SCAPER: variants seen among roughly 807,000 people sequenced by gnomAD.
The protein encoded by SCAPER is S phase cyclin A-associated protein in the endoplasmic reticulum.
Under a neutral mutation model 182.2 loss-of-function variants are expected in SCAPER, and 98 were observed. The ratio of observed to expected loss-of-function variants is 0.54; its 90% CI spans 0.46 to 0.64. SCAPER has a LOEUF of 0.64. SCAPER is among the 30% of genes least tolerant of loss of function. The pLI is 0.00. For missense variants in SCAPER, 1,432 were observed against 1,690.0 expected, an observed-to-expected ratio of 0.85 and a Z score of 2.68; for synonymous variants, 605 against 564.6, an observed-to-expected ratio of 1.07 and a Z score of -1.01.
intron 23 of SCAPER, among the ~76,000 whole-genome samples, chr15:76,549,229 C>G (rs1430308843): frequency 6.6e-6 from 1 of 152,086 alleles, no homozygotes; most frequent in Non-Finnish European, 1.5e-5. Context: ...ACTGGAAATA[C>G]CATTTGAGCC....
chr15:76,778,717 T>C lies in SCAPER; in HGVS notation c.773-3600A>G, dbSNP rs1229186450. Among the ~76,000 whole-genome samples, 5 of 152,144 alleles carry C rather than the reference T, an allele frequency of 3.3e-5. No homozygotes were observed. The East Asian group carries it at 9.6e-4, about 29-fold the overall frequency. ...CCTATAGTTTAAGTATGTTTTTAAG[T>C]ATTAGTTTAAGTACATTTTTAAGTA... On this transcript the variant is annotated intron_variant, in intron 8 of 31. Coordinates refer to ENST00000563290, the MANE Select transcript of SCAPER (RefSeq NM_020843.4).
intron 25 of SCAPER, among the ~76,000 whole-genome samples, chr15:76,465,414 C>A (rs1438711024): frequency 2.0e-5 from 3 of 152,142 alleles, no homozygotes; most frequent in Non-Finnish European, 4.4e-5. Context: ...AATGCCATCA[C>A]AGTGGTGATT....
Position 76,468,697 on chromosome 15 carries a change from C to T in SCAPER, c.3078+2515G>A, listed in dbSNP as rs376464455. 4.6e-5 allele frequency among the ~76,000 whole-genome samples: 7 copies of T among 152,210 alleles called. No individual in the cohort carries two copies. In the East Asian group the frequency reaches 7.7e-4, roughly 17 times the overall value. ...GTGCTCCCATAGTACTCTATACAGG[C>T]TGCTATCATATCATTTACTGTATGT... is the stretch of plus-strand genomic sequence containing the variant. On this transcript the variant is annotated intron_variant, in intron 25 of 31. Transcript: ENST00000563290.
intron 24 of SCAPER, among the ~76,000 whole-genome samples, chr15:76,503,168 A>G (rs1019425166): frequency 3.9e-5 from 6 of 152,188 alleles, no homozygotes; most frequent in South Asian, 4.1e-4. Flanking sequence ...CAAAGAATCA[A>G]TATCATTTCC....
intron 23 of SCAPER, among the ~76,000 whole-genome samples, chr15:76,527,628 T>G (rs1214536249): frequency 3.9e-5 from 6 of 152,240 alleles, no homozygotes; most frequent in Non-Finnish European, 8.8e-5. Context: ...CTGTAGGTTG[T>G]GAACATAGCT....
chr15:76,524,475 T>G (rs2043037913), intron 23 of SCAPER, among the ~76,000 whole-genome samples: 1 of 152,132 alleles, frequency 6.6e-6, no homozygotes, highest in Admixed American at 6.5e-5. Context: ...TTATGGATGA[T>G]TCCATTAGAA....
intron 1 of SCAPER, among the ~76,000 whole-genome samples, chr15:76,887,289 T>G (rs988592113): frequency 6.6e-6 from 1 of 152,148 alleles, no homozygotes; most frequent in Non-Finnish European, 1.5e-5. Flanking sequence ...CTGCTTAATC[T>G]CATTGGGACT....
At chr15:76,633,957 C>T (rs1004937998) in intron 21 of SCAPER, among the ~76,000 whole-genome samples, 1 of 152,190 alleles carries the variant, frequency 6.6e-6, no homozygotes, top group South Asian at 2.1e-4. Flanking sequence ...GGCTTCAGCC[C>T]CCTTCCCATG....
At chr15:76,383,719 A>AT (rs1488546481) in intron 27 of SCAPER, among the ~76,000 whole-genome samples, 1 of 152,222 alleles carries the variant, frequency 6.6e-6, no homozygotes, top group Non-Finnish European at 1.5e-5. Flanking sequence ...AAAAGCAGGG[A>AT]TATCACCCAG....
chr15:76,583,047 C>T (rs180769512), intron 22 of SCAPER, among the ~76,000 whole-genome samples: 6 of 152,204 alleles, frequency 3.9e-5, no homozygotes, highest in Non-Finnish European at 5.9e-5. Flanking sequence ...GTACATTGGA[C>T]TGAGCAAAAA....
At chr15:76,530,194 G>A (rs1567363403) in intron 23 of SCAPER, among the ~76,000 whole-genome samples, 2 of 152,120 alleles carry the variant, frequency 1.3e-5, no homozygotes, top group Admixed American at 1.3e-4. Context: ...ATACCGTTAC[G>A]CCTTTTAGTG....
At chr15:76,514,440 A>G (rs913943276) in intron 23 of SCAPER, among the ~76,000 whole-genome samples, 3 of 152,226 alleles carry the variant, frequency 2.0e-5, no homozygotes, top group Non-Finnish European at 4.4e-5. Context: ...ATTATTAACT[A>G]GAGTAACTGT....
intron 23 of SCAPER, among the ~76,000 whole-genome samples, chr15:76,543,618 C>G (rs1332610447): frequency 6.6e-6 from 1 of 152,094 alleles, no homozygotes; most frequent in Non-Finnish European, 1.5e-5. Context: ...GCTTTTCTTC[C>G]TTACCTCCCT....
chr15:76,511,445 G>C (rs1392085763), intron 23 of SCAPER, among the ~76,000 whole-genome samples: 1 of 152,072 alleles, frequency 6.6e-6, no homozygotes, highest in Non-Finnish European at 1.5e-5. Context: ...ATACCCTAAA[G>C]AGTAAATGTC....
At chr15:76,422,749 T>G (rs1325059412) in intron 26 of SCAPER, among the ~76,000 whole-genome samples, 1 of 152,214 alleles carries the variant, frequency 6.6e-6, no homozygotes, top group African/African-American at 2.4e-5. Context: ...TGATACTGGC[T>G]GTGGGTTTGC....
At chr15:76,567,477 C>T (rs1303374815) in intron 23 of SCAPER, 1 of 350,130 alleles carries the variant, frequency 2.9e-6, no homozygotes, top group Non-Finnish European at 5.8e-6. Context: ...ACATGGTAGG[C>T]TCAACTTATG....
intron 23 of SCAPER, among the ~76,000 whole-genome samples, chr15:76,568,668 T>C (rs994702718): frequency 3.3e-5 from 5 of 152,196 alleles, no homozygotes; most frequent in Admixed American, 2.6e-4. Flanking sequence ...TACTGTTTCA[T>C]TGGATCTTTG....
At chr15:76,384,380 C>A (rs985125909) in intron 27 of SCAPER, among the ~76,000 whole-genome samples, 43 of 152,260 alleles carry the variant, frequency 2.8e-4, no homozygotes, top group African/African-American at 1.0e-3. Flanking sequence ...TCTTATAATA[C>A]TTAGTCTTTC....
chr15:76,521,391 G>GA (rs35998109), intron 23 of SCAPER, among the ~76,000 whole-genome samples: 145,794 of 150,334 alleles, frequency 0.97, 70,821 homozygotes, highest in Non-Finnish European at 1. Flanking sequence ...TCTAAGGTCA[G>GA]AAAAAAAAAC....
Sources: gnomAD v4.1 joint callset for allele counts (sites outside exome capture counted in the v4.1 genomes callset) on GRCh38, gnomAD v4.1.1 for gene constraint, MANE v1.5 for transcripts, NCBI Gene and HGNC (gene_info 2026-07-23, HGNC 2026-07-21) for gene names.